NMNAT3: variants seen among roughly 807,000 people sequenced by gnomAD.
NMNAT3 encodes the protein nicotinamide/nicotinic acid mononucleotide adenylyltransferase 3.
A neutral mutation model predicts 24.8 loss-of-function variants in NMNAT3; 21 were observed. That is an observed-to-expected ratio of 0.85 (90% CI 0.60 to 1.22). The LOEUF (loss-of-function observed/expected upper bound fraction) is 1.22, where lower values mean the gene tolerates loss of function less well. NMNAT3 is among the 50% of genes most tolerant of loss of function. The probability of loss-of-function intolerance (pLI) is 0.00; values close to 1 mark genes in which losing one functional copy is unlikely to be tolerated. For synonymous variants in NMNAT3, 136 were observed against 155.2 expected, an observed-to-expected ratio of 0.88 and a Z score of 0.92; for missense variants, 387 against 436.6, an observed-to-expected ratio of 0.89 and a Z score of 1.01.
intron 4 of NMNAT3, among the ~76,000 whole-genome samples, chr3:139,581,277 T>C (rs1164973347): frequency 6.9e-6 from 1 of 144,024 alleles, no homozygotes; most frequent in African/African-American, 2.5e-5. Flanking sequence ...ATTAGGGAAA[T>C]TTGAATATGG....
At chr3:139,650,524 G>A (rs2057021642) in intron 1 of NMNAT3, among the ~76,000 whole-genome samples, 1 of 152,202 alleles carries the variant, frequency 6.6e-6, no homozygotes, top group African/African-American at 2.4e-5. Flanking sequence ...GAGAGGTGAT[G>A]TTGCTTATCC....
intron 3 of NMNAT3, among the ~76,000 whole-genome samples, chr3:139,617,030 T>C (rs527451359): frequency 6.6e-6 from 1 of 152,304 alleles, no homozygotes; most frequent in Admixed American, 6.5e-5. Flanking sequence ...TTTTTCTGAA[T>C]CCCCTGACTC....
rs539721420 is a variant in NMNAT3, at chr3:139,630,478, G to A, written c.-40-2714C>T. On this transcript the variant is annotated intron_variant, in intron 2 of 6. Coordinates refer to ENST00000643695, the MANE Select transcript of NMNAT3 (RefSeq NM_001320510.2). ...GACTTACCTTTAATAAACCACAAGC[G>A]ACATTTTATTGAAAAAGCCTGCTTA... Among the ~76,000 whole-genome samples, 5 of 152,288 alleles carry A rather than the reference G, an allele frequency of 3.3e-5. No individual in the cohort carries two copies. In the East Asian group the frequency reaches 5.8e-4, roughly 18 times the overall value.
At chr3:139,588,350 C>G (rs974222150) in intron 3 of NMNAT3, among the ~76,000 whole-genome samples, 1 of 152,120 alleles carries the variant, frequency 6.6e-6, no homozygotes, top group African/African-American at 2.4e-5. Context: ...ATATACCATC[C>G]CTACAGACAG....
intron 3 of NMNAT3, among the ~76,000 whole-genome samples, chr3:139,604,206 C>T (rs567910401): frequency 6.6e-6 from 1 of 152,182 alleles, no homozygotes; most frequent in Non-Finnish European, 1.5e-5. Context: ...AAGGGAGCAG[C>T]CCCTGGTGCA....
chr3:139,582,811 G>T, intron 4 of NMNAT3: 1 of 508,354 alleles, frequency 2.0e-6, no homozygotes, highest in Non-Finnish European at 3.2e-6. Flanking sequence ...AGTAAATGTG[G>T]CAAAATATAT....
chr3:139,648,188 A>G (rs1475895490), intron 1 of NMNAT3, among the ~76,000 whole-genome samples: 2 of 152,180 alleles, frequency 1.3e-5, no homozygotes, highest in Non-Finnish European at 2.9e-5. Flanking sequence ...AGATCTGATC[A>G]TTTAAAAGTG....
chr3:139,574,199 G>C (rs1044043338), intron 5 of NMNAT3, among the ~76,000 whole-genome samples: 1 of 152,242 alleles, frequency 6.6e-6, no homozygotes, highest in Non-Finnish European at 1.5e-5. Context: ...TAGTACTTTA[G>C]AAGGCAATAG....
At chr3:139,586,877 G>C (rs1308706043) in intron 3 of NMNAT3, among the ~76,000 whole-genome samples, 1 of 152,170 alleles carries the variant, frequency 6.6e-6, no homozygotes. Context: ...ATGGGCAGAA[G>C]GGCAGAGAAA....
intron 2 of NMNAT3, among the ~76,000 whole-genome samples, chr3:139,628,334 C>G (rs986898852): frequency 2.0e-5 from 3 of 152,346 alleles, no homozygotes; most frequent in Admixed American, 6.5e-5. Flanking sequence ...TTATCACTCT[C>G]TTTCCACACA....
intron 1 of NMNAT3, among the ~76,000 whole-genome samples, chr3:139,666,136 C>A (rs897483321): frequency 6.6e-6 from 1 of 152,184 alleles, no homozygotes; most frequent in Non-Finnish European, 1.5e-5. Context: ...AACCCACGCA[C>A]AACAGCATGC....
At chr3:139,615,675 T>C (rs1039990104) in intron 3 of NMNAT3, among the ~76,000 whole-genome samples, 6 of 152,212 alleles carry the variant, frequency 3.9e-5, no homozygotes, top group African/African-American at 1.4e-4. Context: ...ATAAGATATG[T>C]ACTTATTGCT....
chr3:139,636,806 G>A (rs2056520285), intron 2 of NMNAT3: 1 of 152,136 alleles, frequency 6.6e-6, no homozygotes, highest in Admixed American at 6.5e-5. Context: ...ACTCAAGCCA[G>A]CATCTCTGAA....
chr3:139,575,072 C>T (rs992478813), intron 5 of NMNAT3, among the ~76,000 whole-genome samples: 18 of 152,308 alleles, frequency 1.2e-4, no homozygotes, highest in Non-Finnish European at 2.1e-4. Flanking sequence ...CTGTTATTAT[C>T]ATTACTCTTA....
intron 1 of NMNAT3, among the ~76,000 whole-genome samples, chr3:139,660,565 A>G (rs1156758573): frequency 6.6e-6 from 1 of 152,244 alleles, no homozygotes; most frequent in Non-Finnish European, 1.5e-5. Flanking sequence ...AAAGGCTTAT[A>G]GGAAAGAAAT....
intron 3 of NMNAT3, among the ~76,000 whole-genome samples, chr3:139,616,874 T>C (rs1576656974): frequency 6.6e-6 from 1 of 152,212 alleles, no homozygotes; most frequent in East Asian, 1.9e-4. Context: ...CCTGCAAGGC[T>C]GTCATGGTTT....
At chr3:139,607,497 A>C (rs1457389596) in intron 3 of NMNAT3, among the ~76,000 whole-genome samples, 1 of 152,240 alleles carries the variant, frequency 6.6e-6, no homozygotes, top group Non-Finnish European at 1.5e-5. Context: ...TTAGCCTTGC[A>C]GTATCCAATC....
intron 3 of NMNAT3, among the ~76,000 whole-genome samples, chr3:139,614,662 A>T (rs770137598): frequency 6.6e-6 from 1 of 152,168 alleles, no homozygotes; most frequent in Non-Finnish European, 1.5e-5. Context: ...GTTGGGGTGG[A>T]CCCTCCTCGG....
intron 1 of NMNAT3, chr3:139,672,704 C>T (rs367562132): frequency 6.6e-6 from 1 of 152,354 alleles, no homozygotes; most frequent in East Asian, 1.9e-4. Context: ...ATAAGGTCTA[C>T]ATCTGAGACT....
Sources: allele counts gnomAD v4.1 joint callset (sites outside exome capture counted in the v4.1 genomes callset), GRCh38; gene constraint gnomAD v4.1.1; transcripts MANE v1.5; gene names NCBI Gene and HGNC (gene_info 2026-07-23, HGNC 2026-07-21).